Variants in NISCH observed in about 807,000 individuals in gnomAD.
NISCH encodes nischarin.
NISCH carries 55 observed loss-of-function variants against 138.4 expected under a neutral mutation model. The ratio of observed to expected loss-of-function variants is 0.40; its 90% CI spans 0.32 to 0.50. The LOEUF (loss-of-function observed/expected upper bound fraction) is 0.50, where lower values mean the gene tolerates loss of function less well. Among genes scored for constraint, NISCH ranks in the 20% least tolerant of loss-of-function variants. The pLI is 0.71. For synonymous variants in NISCH, 860 were observed against 861.5 expected, an observed-to-expected ratio of 1.00 and a Z score of 0.03; for missense variants, 1,643 against 2,005.5, an observed-to-expected ratio of 0.82 and a Z score of 3.45.
chr3:52,471,518 G>A (rs1228276642), intron 4 of NISCH: 4 of 510,366 alleles, frequency 7.8e-6, no homozygotes, highest in Admixed American at 3.6e-5. Flanking sequence ...GTCCCTCTCC[G>A]CAGCCTCACT....
chr3:52,492,133 A>G lies in NISCH; in HGVS notation c.4166A>G (p.His1389Arg), dbSNP rs1408134515. ...EIFLLDEDCV[H>R]YPLPEFAKEP... The stretch of plus-strand genomic sequence containing the variant: ...TTCCTCCTGGATGAGGACTGTGTCC[A>G]CTACCCACTGCCCGAGTTTGCCAAA... The change falls in exon 21 of 21, where the codon CAC (histidine) becomes CGC (arginine). Residue 1389 changes from histidine (H) to arginine (R), a missense_variant. By Grantham distance (29) the His-to-Arg change is conservative. Coordinates refer to ENST00000345716, the MANE Select transcript of NISCH (RefSeq NM_007184.4). 1.2e-6 allele frequency: 2 copies of G among 1,613,064 alleles called. No individual in the cohort carries two copies. The highest frequency in any genetic ancestry group is 1.7e-6 in the Non-Finnish European group (2 of 1,180,026).
rs1559639944 is a variant in NISCH, at chr3:52,484,751, T to C, written c.1653+114T>C. On this transcript the variant is annotated intron_variant, in intron 14 of 20. Coordinates refer to ENST00000345716, the MANE Select transcript of NISCH (RefSeq NM_007184.4). ...GGAGCTGAGGCAGATGCTTCCAGGG[T>C]TTGGCGTCCTCTGCTTTGTGCCACG... is the stretch of plus-strand genomic sequence containing the variant. 5.6e-6 allele frequency: 7 copies of C among 1,244,298 alleles called. No homozygotes were observed. The East Asian group carries it at 1.4e-4, about 25-fold the overall frequency. 77.1% of individuals were successfully genotyped at this position (1,244,298 alleles called of 1,614,324 possible).
At chr3:52,466,350 G>T (rs1706779262) in intron 3 of NISCH, among the ~76,000 whole-genome samples, 2 of 152,096 alleles carry the variant, frequency 1.3e-5, no homozygotes. Flanking sequence ...TGGATCACAA[G>T]GTCAGGAGTT....
chr3:52,480,450 G>A (rs574824628), intron 13 of NISCH, 155 bp downstream of exon 13: 3 of 1,539,350 alleles, frequency 1.9e-6, no homozygotes, highest in East Asian at 2.4e-5. Context: ...CTCGCGGGGG[G>A]ACACATGGCA....
At chr3:52,485,110 T>A (rs1028541480) in intron 14 of NISCH, among the ~76,000 whole-genome samples, 1 of 152,182 alleles carries the variant, frequency 6.6e-6, no homozygotes, top group African/African-American at 2.4e-5. Flanking sequence ...TGGCGCCTCC[T>A]CTGTGGTTGT....
At chr3:52,489,947 T>G in intron 17 of NISCH, 128 bp from the exon 18 acceptor site, 2 of 1,349,784 alleles carry the variant, frequency 1.5e-6, no homozygotes, top group South Asian at 2.7e-5. Flanking sequence ...CTCTCTGCCT[T>G]GAAGCATACG....
Position 52,490,715 on chromosome 3 carries a change from T to C in NISCH, c.3624T>C (p.His1208=). The C allele has an allele frequency of 6.2e-7, 1 of 1,614,146 alleles. No homozygotes were observed. Among genetic ancestry groups the C allele is most frequent in the Non-Finnish European group, 8.5e-7 (1 of 1,180,026 alleles). ...TTCTCCATCACACAGATTTCTGGCA[T>C]CAGAAAAACACCGACTACAACAACA... The part of the protein sequence containing the change: ...YFSEPLQDFW[H]QKNTDYNNSP... The change falls in exon 19 of 21, where the codon CAT becomes CAC. Residue 1208 remains histidine (H), a synonymous_variant. Transcript: ENST00000345716.
chr3:52,465,001 C>G (rs1385117346), intron 3 of NISCH, among the ~76,000 whole-genome samples: 21 of 152,138 alleles, frequency 1.4e-4, no homozygotes. Flanking sequence ...TTCATTGAAG[C>G]ACAAAAGATT....
At chr3:52,465,951 A>T (rs1186509811) in intron 3 of NISCH, among the ~76,000 whole-genome samples, 1 of 152,228 alleles carries the variant, frequency 6.6e-6, no homozygotes, top group African/African-American at 2.4e-5. Context: ...TTTCTCTTGA[A>T]AGGTGTTTAT....
At chr3:52,486,984 C>G (rs1360324651) in intron 15 of NISCH, among the ~76,000 whole-genome samples, 3 of 152,256 alleles carry the variant, frequency 2.0e-5, no homozygotes, top group Non-Finnish European at 4.4e-5. Context: ...AGCATAGACT[C>G]TGACCAAACT....
In NISCH at chr3:52,484,909, G is replaced by C. The variant is rs114962847; in HGVS notation, c.1653+272G>C. On this transcript the variant is annotated intron_variant, in intron 14 of 20. Transcript: ENST00000345716. ...GGGAACAGGCAGTTCTCTGTCACTG[G>C]GCCCAGGGCACGAGGGGGGCAGGTG... Among the ~76,000 whole-genome samples, 552 of 152,056 alleles carry C rather than the reference G, an allele frequency of 3.6e-3. 2 individuals are homozygous for C. The highest frequency in any genetic ancestry group is 0.013 in the African/African-American group (527 of 41,474).
intron 6 of NISCH, among the ~76,000 whole-genome samples, chr3:52,473,351 TC>T (rs1475920409): frequency 1.3e-5 from 2 of 152,102 alleles, no homozygotes; most frequent in African/African-American, 4.8e-5. Context: ...ACAGCTCAGT[TC>T]CATGGAGTGG....
At chr3:52,482,692 C>G (rs1403728043) in intron 13 of NISCH, among the ~76,000 whole-genome samples, 1 of 152,168 alleles carries the variant, frequency 6.6e-6, no homozygotes, top group Non-Finnish European at 1.5e-5. Context: ...GAGATGGAGT[C>G]GTGGAAAACC....
chr3:52,484,462 T>TCAC, intron 13 of NISCH, 51 bp from the exon 14 acceptor site: 1 of 788,670 alleles, frequency 1.3e-6, no homozygotes, highest in South Asian at 2.1e-5. Flanking sequence ...ACAGCCGCTC[T>TCAC]CCCCGCCCCA....
In NISCH at chr3:52,458,664, C is replaced by G; in HGVS notation, c.180C>G (p.Leu60=). 6.2e-7 allele frequency: 1 copy of G among 1,611,072 alleles called. No homozygotes were observed. Among genetic ancestry groups the G allele is most frequent in the Non-Finnish European group, 8.5e-7 (1 of 1,179,016 alleles). Residue 60 remains leucine, a splice_region_variant and synonymous_variant, in exon 3 of 21, where the codon CTC becomes CTG. Transcript: ENST00000345716. ...GATGTGCTTATGTTTTTTTACAGCT[C>G]GTTGCAGAGAGAAAGATTGATAAAA... ...YSDFHDLHEK[L]VAERKIDKNL...
At chr3:52,471,518 G>T (rs1228276642) in intron 4 of NISCH, 7 of 510,372 alleles carry the variant, frequency 1.4e-5, no homozygotes, top group Non-Finnish European at 2.1e-5. Flanking sequence ...GTCCCTCTCC[G>T]CAGCCTCACT....
intron 19 of NISCH, 128 bp downstream of exon 19, chr3:52,490,961 G>A (rs1707546131): frequency 3.9e-6 from 5 of 1,295,370 alleles, no homozygotes; most frequent in East Asian, 2.3e-5. Flanking sequence ...CTTCTTAACC[G>A]GGGTGGGAGG....
At chr3:52,472,022 G>C (rs1305127338) in intron 5 of NISCH, 45 bp downstream of exon 5, 6 of 1,534,272 alleles carry the variant, frequency 3.9e-6, no homozygotes, top group South Asian at 3.8e-5. Flanking sequence ...GCAGTCGGTG[G>C]GGGTGCAACC....
At chr3:52,475,356 C>G (rs536868105) in intron 7 of NISCH, among the ~76,000 whole-genome samples, 1 of 152,198 alleles carries the variant, frequency 6.6e-6, no homozygotes, top group Non-Finnish European at 1.5e-5. Context: ...AACAAATAGG[C>G]CTGCCTTTCT....
Sources: gnomAD v4.1 joint callset for allele counts (sites outside exome capture counted in the v4.1 genomes callset) on GRCh38, gnomAD v4.1.1 for gene constraint, MANE v1.5 for transcripts, NCBI Gene and HGNC (gene_info 2026-07-23, HGNC 2026-07-21) for gene names.